The following EHMT1 variants were observed in gnomAD, a reference collection of about 807,000 sequenced individuals.
EHMT1 encodes the protein histone-lysine N-methyltransferase EHMT1.
In EHMT1, 15 loss-of-function variants were observed where a neutral mutation model predicts 147.2. That is an observed-to-expected ratio of 0.10 (90% CI 0.07 to 0.16). The LOEUF is 0.16. Among genes scored for constraint, EHMT1 ranks in the 10% least tolerant of loss-of-function variants. The probability of loss-of-function intolerance (pLI) is 1.00; values close to 1 mark genes in which losing one functional copy is unlikely to be tolerated. For synonymous variants in EHMT1, 795 were observed against 709.6 expected, an observed-to-expected ratio of 1.12 and a Z score of -1.91; for missense variants, 1,587 against 1,772.4, an observed-to-expected ratio of 0.90 and a Z score of 1.88.
At chr9:137,800,786 CTGGGAGG>C (rs1953412915) in intron 17 of EHMT1, 87 bp from the exon 18 acceptor site, 1 of 1,064,998 alleles carries the variant, frequency 9.4e-7, no homozygotes, top group African/African-American at 1.6e-5. Context: ...GGCATGGTAC[CTGGGAGG>C]TGCAGAGACC....
chr9:137,692,296 ACT>A (rs1943008687), intron 1 of EHMT1, among the ~76,000 whole-genome samples: 1 of 127,498 alleles, frequency 7.8e-6, no homozygotes, highest in Non-Finnish European at 1.6e-5. Flanking sequence ...ACAGAGCCTC[ACT>A]CTGTTGTCCA....
At chr9:137,834,588 C>T in intron 26 of EHMT1, 64 bp downstream of exon 26, 4 of 1,603,186 alleles carry the variant, frequency 2.5e-6, no homozygotes, top group Non-Finnish European at 2.5e-6. Flanking sequence ...GAACGGGGCT[C>T]GCATTGCTTT....
Position 137,762,832 on chromosome 9 carries a change from T to G in EHMT1, c.1647+12T>G, listed in dbSNP as rs778702173. On this transcript the variant is annotated intron_variant, in intron 10 of 26. Coordinates refer to ENST00000460843, the MANE Select transcript of EHMT1 (RefSeq NM_024757.5). The stretch of plus-strand genomic sequence containing the variant: ...GCGTGGACCATGAAGTAAGCACGTT[T>G]GTTTTCATTTAAAGCAGCCACGAGG... The G allele has an allele frequency of 6.5e-5, 105 of 1,613,910 alleles. No homozygotes were observed. The Middle Eastern group carries it at 6.6e-4, about 10-fold the overall frequency.
At chr9:137,798,722 A>G in intron 16 of EHMT1, 91 bp from the exon 17 acceptor site, 3 of 1,027,984 alleles carry the variant, frequency 2.9e-6, no homozygotes, top group Non-Finnish European at 4.6e-6. Flanking sequence ...CCCGCATGGT[A>G]GACACCGGGT....
Position 137,782,793 on chromosome 9 carries a change from C to T in EHMT1, c.2382+396C>T, listed in dbSNP as rs1179804289. 3.9e-5 allele frequency among the ~76,000 whole-genome samples: 6 copies of T among 152,274 alleles called. No homozygotes were observed. The highest frequency in any genetic ancestry group is 7.2e-5 in the African/African-American group (3 of 41,566). On this transcript the variant is annotated intron_variant, in intron 15 of 26. Transcript: ENST00000460843. This position sits in a 1 kb window ranked among gnomAD's most constrained non-coding sequence, Gnocchi z 5.7. ...GTGTGAGCATTTTCAAGCTGAACCA[C>T]GTCGTCTACAGGGTATGTTGTGTCT...
At chr9:137,718,185 C>T (rs577813954) in intron 3 of EHMT1, among the ~76,000 whole-genome samples, 9 of 150,904 alleles carry the variant, frequency 6.0e-5, no homozygotes, top group Non-Finnish European at 1.0e-4. Context: ...AGGGCGCGCC[C>T]GCCCCTCACG....
At position 137,813,400 on chromosome 9, in the gene EHMT1, G is replaced by T; in HGVS notation, c.3050G>T (p.Gly1017Val). The T allele has an allele frequency of 6.2e-7, 1 of 1,612,408 alleles. No individual in the cohort carries two copies. Among genetic ancestry groups the T allele is most frequent in the Non-Finnish European group, 8.5e-7 (1 of 1,179,612 alleles). The change falls in exon 21 of 27, where the codon GGC (glycine) becomes GTC (valine). Residue 1017 changes from glycine to valine, a missense_variant. By Grantham distance (109) the Gly-to-Val change is moderately radical. This residue lies in a region of EHMT1 where 78 missense variants were observed against 68.9 expected (regional missense o/e 1.13). Coordinates refer to ENST00000460843, the MANE Select transcript of EHMT1 (RefSeq NM_024757.5). The surrounding 1 kb of genome is among the most constrained non-coding windows in gnomAD (Gnocchi z 4.9). ...ERIVSRDIAR[G>V]YERIPIPCVN... ...TTCCATGGCAGGGACATCGCTCGAG[G>T]CTACGAGCGCATCCCCATCCCCTGT...
intron 1 of EHMT1, among the ~76,000 whole-genome samples, chr9:137,622,581 T>C (rs1448751267): frequency 1.3e-5 from 2 of 152,184 alleles, no homozygotes; most frequent in Non-Finnish European, 2.9e-5. Flanking sequence ...AGATTTAGAT[T>C]AGAGAAGATT....
intron 1 of EHMT1, among the ~76,000 whole-genome samples, chr9:137,678,154 T>C (rs1021278280): frequency 6.6e-6 from 1 of 152,210 alleles, no homozygotes; most frequent in African/African-American, 2.4e-5. Flanking sequence ...TATAATCCAC[T>C]AATATAAAAA....
At chr9:137,652,298 T>G (rs181510960) in intron 1 of EHMT1, among the ~76,000 whole-genome samples, 7 of 152,364 alleles carry the variant, frequency 4.6e-5, no homozygotes, top group African/African-American at 1.4e-4. Flanking sequence ...CTTGCTATGT[T>G]GCCCAAGCCA....
At chr9:137,651,968 A>G (rs911568776) in intron 1 of EHMT1, among the ~76,000 whole-genome samples, 7 of 152,212 alleles carry the variant, frequency 4.6e-5, no homozygotes, top group Non-Finnish European at 7.3e-5. Flanking sequence ...CTTGATAATG[A>G]TAATAAACTC....
At position 137,834,395 on chromosome 9, in the gene EHMT1, G is replaced by A. The variant is rs772343614; in HGVS notation, c.3587G>A (p.Ser1196Asn). Residue 1196 changes from serine (S) to asparagine (N), a missense_variant, in exon 26 of 27, where the codon AGC (serine) becomes AAC (asparagine). Coordinates refer to ENST00000460843, the MANE Select transcript of EHMT1 (RefSeq NM_024757.5). ...CIDARFYGNV[S>N]RFINHHCEPN... is the part of the protein sequence containing the mutation. ...GACGCGCGGTTCTACGGGAACGTCA[G>A]CCGGTTCATCAACCACCACTGCGAG... The A allele has an allele frequency of 6.2e-7, 1 of 1,613,308 alleles. No individual in the cohort carries two copies. The highest frequency in any genetic ancestry group is 8.5e-7 in the Non-Finnish European group (1 of 1,179,818).
intron 3 of EHMT1, among the ~76,000 whole-genome samples, chr9:137,720,282 C>T (rs1945818465): frequency 6.6e-6 from 1 of 152,106 alleles, no homozygotes. Context: ...CTCTCATCTG[C>T]AGATTCCATT....
Position 137,776,416 on chromosome 9 carries a change from TCTC to T in EHMT1, c.1792-201_1792-199del, listed in dbSNP as rs1950961295. ...TGACCTCTGTCTGGCTTCAGCTTCT[TCTC>T]TGTGGGGCGAGAGCACCACGGGAAG... is the stretch of plus-strand genomic sequence containing the variant. On this transcript the variant is annotated intron_variant, in intron 11 of 26. Coordinates refer to ENST00000460843, the MANE Select transcript of EHMT1 (RefSeq NM_024757.5). The surrounding 1 kb of genome is among the most constrained non-coding windows in gnomAD (Gnocchi z 4.4). The T allele has an allele frequency of 1.8e-6, 1 of 544,684 alleles. No individual in the cohort carries two copies. Among genetic ancestry groups the T allele is most frequent in the Non-Finnish European group, 3.3e-6 (1 of 303,052 alleles). 33.7% of individuals were successfully genotyped at this position (544,684 alleles called of 1,614,324 possible).
At chr9:137,779,348 G>A (rs1334996128) in intron 13 of EHMT1, among the ~76,000 whole-genome samples, 1 of 152,234 alleles carries the variant, frequency 6.6e-6, no homozygotes, top group Non-Finnish European at 1.5e-5. Flanking sequence ...TCGTCGTGTT[G>A]TGTAAAAGCC....
intron 1 of EHMT1, among the ~76,000 whole-genome samples, chr9:137,627,292 T>G (rs987397559): frequency 6.9e-5 from 10 of 144,424 alleles, no homozygotes; most frequent in Middle Eastern, 3.6e-3. Context: ...AGATGGCATC[T>G]CTTTCTGTCA....
intron 1 of EHMT1, among the ~76,000 whole-genome samples, chr9:137,679,252 GA>G (rs1310758884): frequency 6.6e-6 from 1 of 152,136 alleles, no homozygotes; most frequent in Non-Finnish European, 1.5e-5. Flanking sequence ...CCCGACCTGA[GA>G]AATTGTTTGT....
chr9:137,718,110 C>T (rs1285571745), intron 3 of EHMT1, among the ~76,000 whole-genome samples: 2 of 142,790 alleles, frequency 1.4e-5, no homozygotes, highest in African/African-American at 5.9e-5. Flanking sequence ...CCCTCACGCA[C>T]CGTGATGATT....
intron 1 of EHMT1, among the ~76,000 whole-genome samples, chr9:137,687,775 A>G (rs1357400712): frequency 6.6e-6 from 1 of 152,236 alleles, no homozygotes; most frequent in Non-Finnish European, 1.5e-5. Context: ...CCGAGCCTCC[A>G]GAACTTAAAC....
Sources: gnomAD v4.1 joint callset for allele counts (sites outside exome capture counted in the v4.1 genomes callset) on GRCh38, gnomAD v4.1.1 for gene constraint, gnomAD v4.1.1 regional missense constraint, Gnocchi (gnomAD v3.1) non-coding constraint, MANE v1.5 for transcripts, NCBI Gene and HGNC (gene_info 2026-07-23, HGNC 2026-07-21) for gene names.